The following MRGPRX3 variants were observed in gnomAD, a reference collection of about 807,000 sequenced individuals.
MRGPRX3 encodes MAS related GPR family member X3.
MRGPRX3 carries 14 observed loss-of-function variants against 16.5 expected under a neutral mutation model. The observed-to-expected ratio is 0.85, with a 90% CI of 0.56 to 1.33. The LOEUF (loss-of-function observed/expected upper bound fraction) is 1.33. MRGPRX3 is among the 40% of genes most tolerant of loss of function. The pLI is 0.00. For missense variants in MRGPRX3, 449 were observed against 413.0 expected (o/e 1.09, Z -0.76); for synonymous variants, 199 against 180.1 (o/e 1.10, Z -0.84).
rs558982010 is a variant in MRGPRX3, at chr11:18,124,808, C to T, written c.-152+3644C>T. On this transcript the variant is annotated intron_variant, in intron 1 of 2. Coordinates refer to the MRGPRX3 transcript ENST00000396275. Reference sequence around the variant, plus strand: ...CTCTGGTAGAATTCGGCTGTGAATTCATCTGGTCCTGGACTTCTTTTGGTT... The same window carrying T: ...CTCTGGTAGAATTCGGCTGTGAATTTATCTGGTCCTGGACTTCTTTTGGTT... Among the ~76,000 whole-genome samples, 211 of 152,232 alleles carry T rather than the reference C, an allele frequency of 1.4e-3. 1 individual carries two copies. The highest frequency in any genetic ancestry group is 0.012 in the Admixed American group (190 of 15,278).
chr11:18,128,681 C>A (rs1016716366), upstream of MRGPRX3, among the ~76,000 whole-genome samples: 1 of 152,208 alleles, frequency 6.6e-6, no homozygotes, highest in African/African-American at 2.4e-5. Flanking sequence ...TCTGTCACTC[C>A]TTTTCTTGGC....
chr11:18,130,256 A>G (rs1848948032), upstream of MRGPRX3, among the ~76,000 whole-genome samples: 1 of 152,176 alleles, frequency 6.6e-6, no homozygotes, highest in South Asian at 2.1e-4. Context: ...TTCACTGATG[A>G]TATGATTGTA....
At chr11:18,134,432 A>C (rs1333945186) in intron 1 of MRGPRX3, among the ~76,000 whole-genome samples, 2 of 152,208 alleles carry the variant, frequency 1.3e-5, no homozygotes, top group African/African-American at 2.4e-5. Flanking sequence ...TATAACAAGA[A>C]CTTATATAGC....
upstream of MRGPRX3, among the ~76,000 whole-genome samples, chr11:18,130,835 C>G (rs547201092): frequency 6.6e-6 from 1 of 152,096 alleles, no homozygotes; most frequent in East Asian, 1.9e-4. Flanking sequence ...TAAAACTAGG[C>G]ACATAGACCA....
At chr11:18,128,833 C>G (rs971162138), upstream of MRGPRX3, among the ~76,000 whole-genome samples, 1 of 152,208 alleles carries the variant, frequency 6.6e-6, no homozygotes, top group Admixed American at 6.5e-5. Context: ...CAGTACCTCA[C>G]TTGGAAATGC....
At chr11:18,121,608 T>G (rs939176835) in intron 1 of MRGPRX3, among the ~76,000 whole-genome samples, 4 of 152,222 alleles carry the variant, frequency 2.6e-5, no homozygotes, top group African/African-American at 9.6e-5. Flanking sequence ...GCCGTGTCTG[T>G]GTGGAAAGAA....
At chr11:18,131,015 C>G (rs566521196), upstream of MRGPRX3, among the ~76,000 whole-genome samples, 14 of 152,226 alleles carry the variant, frequency 9.2e-5, no homozygotes, top group Middle Eastern at 3.4e-3. Context: ...TTGTCTCTCA[C>G]TTAATACAAA....
intron 1 of MRGPRX3, among the ~76,000 whole-genome samples, chr11:18,126,420 G>A (rs910538875): frequency 6.6e-6 from 1 of 152,092 alleles, no homozygotes; most frequent in African/African-American, 2.4e-5. Context: ...TTGCTTGTCT[G>A]TAAAGGATTT....
chr11:18,128,465 G>A (rs1848925305), upstream of MRGPRX3, among the ~76,000 whole-genome samples: 1 of 152,184 alleles, frequency 6.6e-6, no homozygotes, highest in African/African-American at 2.4e-5. Flanking sequence ...GCCTACTCAA[G>A]CCTCAGCAAT....
chr11:18,128,903 C>T (rs945959783), upstream of MRGPRX3, among the ~76,000 whole-genome samples: 4 of 152,164 alleles, frequency 2.6e-5, no homozygotes, highest in African/African-American at 4.8e-5. Flanking sequence ...GGAGCTGTTC[C>T]TATTTGGCCA....
At chr11:18,122,192 C>A (rs982561663) in intron 1 of MRGPRX3, among the ~76,000 whole-genome samples, 6 of 151,914 alleles carry the variant, frequency 3.9e-5, no homozygotes, top group Non-Finnish European at 8.8e-5. Flanking sequence ...TTCCTTCAAA[C>A]CTTGCTGAGA....
chr11:18,137,760 T>C lies in MRGPRX3; in HGVS notation c.558T>C (p.Phe186=), dbSNP rs1849027433. ...SDFITIAWLV[F]LCVVLCGSSL... ...TCATTACAATCGCGTGGCTGGTTTTTTTATGTGTGGTTCTCTGTGGGTCCA... is the reference window on the plus strand; with the variant it reads ...TCATTACAATCGCGTGGCTGGTTTTCTTATGTGTGGTTCTCTGTGGGTCCA... The change falls in exon 2 of 2, where the codon TTT becomes TTC. Residue 186 remains phenylalanine (F), a synonymous_variant. Coordinates refer to ENST00000621697, the MANE Select transcript of MRGPRX3 (RefSeq NM_001370464.1). 1 of 1,614,140 alleles carries C rather than the reference T, an allele frequency of 6.2e-7. No homozygotes were observed.
At chr11:18,131,252 A>G (rs1356201090), upstream of MRGPRX3, among the ~76,000 whole-genome samples, 1 of 152,218 alleles carries the variant, frequency 6.6e-6, no homozygotes, top group African/African-American at 2.4e-5. Flanking sequence ...CAGACAACCC[A>G]CCGAGTGAGA....
upstream of MRGPRX3, among the ~76,000 whole-genome samples, chr11:18,128,699 G>A (rs759979027): frequency 1.3e-5 from 2 of 152,244 alleles, no homozygotes; most frequent in African/African-American, 2.4e-5. Flanking sequence ...GGCTAGGAAA[G>A]GGAATTCCCT....
chr11:18,123,849 C>T (rs1009291339), intron 1 of MRGPRX3, among the ~76,000 whole-genome samples: 3 of 152,108 alleles, frequency 2.0e-5, no homozygotes, highest in African/African-American at 7.2e-5. Context: ...TTGTTTGTAT[C>T]CTCTTTTATT....
Position 18,137,255 on chromosome 11 carries a change from G to A in MRGPRX3, c.53G>A (p.Arg18His), listed in dbSNP as rs772433034. The change falls in exon 2 of 2, where the codon CGT (arginine) becomes CAT (histidine). Residue 18 changes from arginine to histidine, a missense_variant. Transcript: ENST00000621697. ...LGTELTPING[R>H]EETPCYKQTL... Reference sequence around the variant, plus strand: ...ACAGAACTGACACCAATCAACGGACGTGAGGAGACTCCTTGCTACAAGCAG... The same window carrying A: ...ACAGAACTGACACCAATCAACGGACATGAGGAGACTCCTTGCTACAAGCAG... 3.7e-6 allele frequency: 6 copies of A among 1,613,656 alleles called. No individual in the cohort carries two copies. The highest frequency in any genetic ancestry group is 4.2e-6 in the Non-Finnish European group (5 of 1,179,814).
At chr11:18,126,453 C>A (rs180949487) in intron 1 of MRGPRX3, among the ~76,000 whole-genome samples, 1 of 152,226 alleles carries the variant, frequency 6.6e-6, no homozygotes, top group East Asian at 1.9e-4. Context: ...ACTTATGAAG[C>A]TTAGTTTGGC....
At chr11:18,120,976 G>C (rs1368309659) in exon 1 of MRGPRX3, 2 of 175,850 alleles carry the variant, frequency 1.1e-5, no homozygotes, top group Admixed American at 6.2e-5. Context: ...AAAGTGAGGA[G>C]CGTCTTTGCC....
chr11:18,138,083 C>A lies in MRGPRX3; in HGVS notation c.881C>A (p.Ala294Asp), dbSNP rs559465838. Residue 294 changes from alanine to aspartate, a missense_variant, in exon 2 of 2, where the codon GCT becomes GAT. By Grantham distance (126) the Ala-to-Asp change is moderately radical (BLOSUM62 -2). Transcript: ENST00000621697. ...AACCTGAAGCTGGTTCTCCAGAGGG[C>A]TCTGCAGGACACGCCTGAGGTGGAT... Reference protein sequence around the residue: ...RQNLKLVLQRALQDTPEVDEG... With the variant: ...RQNLKLVLQRDLQDTPEVDEG... 30 of 1,614,198 alleles carry A rather than the reference C, an allele frequency of 1.9e-5. No individual in the cohort carries two copies. In the South Asian group the frequency reaches 2.2e-4, roughly 12 times the overall value.
Sources: gnomAD v4.1 joint callset for allele counts (sites outside exome capture counted in the v4.1 genomes callset) on GRCh38, gnomAD v4.1.1 for gene constraint, MANE v1.5 for transcripts, NCBI Gene and HGNC (gene_info 2026-07-23, HGNC 2026-07-21) for gene names.